ACVR1: variants seen among roughly 807,000 people sequenced by gnomAD.
ACVR1 encodes activin receptor type-1.
ACVR1 carries 38 observed loss-of-function variants against 57.1 expected under a neutral mutation model. The observed-to-expected ratio is 0.67, with a 90% CI of 0.51 to 0.87. The LOEUF (loss-of-function observed/expected upper bound fraction) is 0.87. Among genes scored for constraint, ACVR1 ranks in the 40% least tolerant of loss-of-function variants. The pLI is 0.00. For missense variants in ACVR1, 463 were observed against 638.2 expected, an observed-to-expected ratio of 0.73 and a Z score of 2.96; for synonymous variants, 212 against 228.1, an observed-to-expected ratio of 0.93 and a Z score of 0.63.
At chr2:157,813,932 G>A (rs1010803330) in intron 2 of ACVR1, among the ~76,000 whole-genome samples, 14 of 152,316 alleles carry the variant, frequency 9.2e-5, no homozygotes, top group African/African-American at 3.1e-4. Flanking sequence ...CCAGGAGATA[G>A]TAAGTTTTTA....
At chr2:157,857,683 G>A (rs1689582902) in intron 1 of ACVR1, among the ~76,000 whole-genome samples, 1 of 152,162 alleles carries the variant, frequency 6.6e-6, no homozygotes, top group Non-Finnish European at 1.5e-5. Flanking sequence ...ACCACATATA[G>A]ACAAAGGCTG....
At chr2:157,850,579 G>A (rs1252278427) in intron 1 of ACVR1, among the ~76,000 whole-genome samples, 2 of 152,094 alleles carry the variant, frequency 1.3e-5, no homozygotes, top group Non-Finnish European at 2.9e-5. Flanking sequence ...CAGTTCAAGG[G>A]AACATATACA....
At chr2:157,860,389 T>A (rs1689680051) in intron 1 of ACVR1, among the ~76,000 whole-genome samples, 1 of 152,174 alleles carries the variant, frequency 6.6e-6, no homozygotes, top group African/African-American at 2.4e-5. Flanking sequence ...CTCCAAAATG[T>A]GTTCAGCAGA....
chr2:157,870,169 G>A (rs988055552), intron 1 of ACVR1, among the ~76,000 whole-genome samples: 20 of 152,048 alleles, frequency 1.3e-4, no homozygotes, highest in African/African-American at 3.1e-4. Context: ...CAGTACCCAC[G>A]TTCCAAACTC....
intron 2 of ACVR1, among the ~76,000 whole-genome samples, chr2:157,814,885 A>G (rs1359016168): frequency 6.6e-6 from 1 of 152,196 alleles, no homozygotes; most frequent in Non-Finnish European, 1.5e-5. Context: ...GGAGATCGTG[A>G]CCATCCTGGC....
At chr2:157,812,553 T>C (rs1559071682) in intron 2 of ACVR1, among the ~76,000 whole-genome samples, 3 of 152,174 alleles carry the variant, frequency 2.0e-5, no homozygotes, top group African/African-American at 4.8e-5. Flanking sequence ...CGTGTTTTAT[T>C]TTACATTAAA....
At chr2:157,746,022 T>C (rs555313168) in intron 9 of ACVR1, among the ~76,000 whole-genome samples, 16 of 152,348 alleles carry the variant, frequency 1.1e-4, no homozygotes, top group Non-Finnish European at 1.6e-4. Flanking sequence ...CAAATGGTTT[T>C]TGACACATTT....
chr2:157,809,609 A>G (rs532376752), intron 2 of ACVR1, among the ~76,000 whole-genome samples: 1 of 152,088 alleles, frequency 6.6e-6, no homozygotes, highest in Non-Finnish European at 1.5e-5. Flanking sequence ...AAAACCACCC[A>G]CTCGACCAGA....
intron 1 of ACVR1, among the ~76,000 whole-genome samples, chr2:157,848,823 T>C (rs1689208492): frequency 1.3e-5 from 2 of 152,150 alleles, no homozygotes; most frequent in Non-Finnish European, 2.9e-5. Context: ...GGGAATTACA[T>C]GATTGGATTA....
intron 8 of ACVR1, among the ~76,000 whole-genome samples, chr2:157,763,669 C>T (rs746653235): frequency 4.6e-5 from 7 of 152,080 alleles, no homozygotes; most frequent in Non-Finnish European, 1.0e-4. Flanking sequence ...CTGCAGTGAC[C>T]TATGATCAGC....
At chr2:157,852,426 G>A (rs1276689996) in intron 1 of ACVR1, among the ~76,000 whole-genome samples, 9 of 151,412 alleles carry the variant, frequency 5.9e-5, no homozygotes, top group Non-Finnish European at 1.3e-4. Flanking sequence ...GAACTAGGGA[G>A]GTGGAGACTG....
chr2:157,841,901 C>T (rs1688990806), intron 1 of ACVR1, among the ~76,000 whole-genome samples: 1 of 151,498 alleles, frequency 6.6e-6, no homozygotes, highest in Non-Finnish European at 1.5e-5. Flanking sequence ...GTGGCAGGCG[C>T]CTGTAGGGTC....
chr2:157,828,615 G>A (rs1349309127), intron 1 of ACVR1, among the ~76,000 whole-genome samples: 1 of 151,978 alleles, frequency 6.6e-6, no homozygotes, highest in Non-Finnish European at 1.5e-5. Context: ...GCAAAACTCT[G>A]TTTCCAAAAA....
In ACVR1 at chr2:157,795,912, G is replaced by A. The variant is rs188491454; in HGVS notation, c.67+3515C>T. Among the ~76,000 whole-genome samples the A allele has an allele frequency of 1.7e-4, 26 of 152,028 alleles. No individual in the cohort carries two copies. The East Asian group carries it at 4.1e-3, about 24-fold the overall frequency. On this transcript the variant is annotated intron_variant, in intron 3 of 10. Coordinates refer to ENST00000434821, the MANE Select transcript of ACVR1 (RefSeq NM_001111067.4). ...TTGCCTACATCACAGGTCCACCCAT[G>A]ATATCATCTGAACTGCCCCATACCA... is the stretch of plus-strand genomic sequence containing the variant.
chr2:157,859,971 C>T (rs1028617613), intron 1 of ACVR1: 7 of 151,910 alleles, frequency 4.6e-5, no homozygotes, highest in Non-Finnish European at 7.4e-5. Context: ...ACTTTCATGA[C>T]GTTTGAATAA....
intron 3 of ACVR1, among the ~76,000 whole-genome samples, chr2:157,793,500 A>C (rs1481197438): frequency 1.3e-5 from 2 of 152,168 alleles, no homozygotes. Flanking sequence ...AAAATAAGAA[A>C]ACTTGATAAT....
At chr2:157,800,469 T>G (rs1344975703) in intron 2 of ACVR1, among the ~76,000 whole-genome samples, 1 of 127,994 alleles carries the variant, frequency 7.8e-6, no homozygotes, top group Admixed American at 9.1e-5. Context: ...CTCTATTTGT[T>G]TTTAATTATT....
intron 1 of ACVR1, among the ~76,000 whole-genome samples, chr2:157,833,479 T>G (rs575094493): frequency 6.6e-6 from 1 of 152,280 alleles, no homozygotes; most frequent in African/African-American, 2.4e-5. Flanking sequence ...GGGAGTTGAG[T>G]ATCACTGAGA....
At chr2:157,761,099 T>C (rs370337634) in intron 8 of ACVR1, 22 bp from the exon 9 acceptor site, 95 of 1,611,662 alleles carry the variant, frequency 5.9e-5, no homozygotes, top group Non-Finnish European at 7.2e-5. Flanking sequence ...AAGATAACAA[T>C]GTAATCAACC....
Sources: allele counts gnomAD v4.1 joint callset (sites outside exome capture counted in the v4.1 genomes callset), GRCh38; gene constraint gnomAD v4.1.1; transcripts MANE v1.5; gene names NCBI Gene and HGNC (gene_info 2026-07-23, HGNC 2026-07-21).